METTL15: variants seen among roughly 807,000 people sequenced by gnomAD.
METTL15 encodes the protein 12S rRNA N(4)-cytidine methyltransferase METTL15.
In METTL15, 34 loss-of-function variants were observed where a neutral mutation model predicts 38.3. The ratio of observed to expected loss-of-function variants is 0.89; its 90% confidence interval spans 0.68 to 1.18. The LOEUF (loss-of-function observed/expected upper bound fraction) is 1.18, where lower values mean the gene tolerates loss of function less well. Ranked by LOEUF, METTL15 falls within the 50% of genes most tolerant of loss-of-function variation. The pLI is 0.00. For missense variants in METTL15, 438 were observed against 498.4 expected, an observed-to-expected ratio of 0.88 and a Z score of 1.15; for synonymous variants, 162 against 170.9, an observed-to-expected ratio of 0.95 and a Z score of 0.41.
rs144344435 is a variant in METTL15, at chr11:28,211,122, T to G, written c.331T>G (p.Ser111Ala). Reference protein sequence around the residue: ...GHTKAILQKESDIVLYALDRD... With the variant: ...GHTKAILQKEADIVLYALDRD... ...CACAAAAGCCATTCTGCAGAAGGAG[T>G]CAGATATTGTTCTCTATGCCTTGGA... Residue 111 changes from serine (S) to alanine (A), a missense_variant, in exon 4 of 7, where the codon TCA (serine) becomes GCA (alanine). By Grantham distance (99) the Ser-to-Ala change is moderately conservative. Coordinates refer to ENST00000407364, the MANE Select transcript of METTL15 (RefSeq NM_001113528.2). The G allele has an allele frequency of 5.0e-6, 8 of 1,612,484 alleles. No individual in the cohort carries two copies. Among genetic ancestry groups the G allele is most frequent in the Non-Finnish European group, 6.8e-6 (8 of 1,179,154 alleles).
chr11:28,284,022 C>T (rs1258959003), intron 4 of METTL15, among the ~76,000 whole-genome samples: 8 of 152,034 alleles, frequency 5.3e-5, no homozygotes, highest in Non-Finnish European at 8.8e-5. Context: ...ATTAGCCTAA[C>T]GTAATTGCAT....
chr11:28,333,800 C>T (rs1462245082), downstream of METTL15, among the ~76,000 whole-genome samples: 1 of 151,764 alleles, frequency 6.6e-6, no homozygotes, highest in Non-Finnish European at 1.5e-5. Context: ...TGTTGTGCTA[C>T]AAGCAGTAGT....
intron 3 of METTL15, among the ~76,000 whole-genome samples, chr11:28,205,356 GT>G (rs983374082): frequency 6.6e-6 from 1 of 150,418 alleles, no homozygotes; most frequent in Non-Finnish European, 1.5e-5. Context: ...ACTATGCAGT[GT>G]TTGTTTTTTT....
intron 4 of METTL15, among the ~76,000 whole-genome samples, chr11:28,223,376 A>G (rs1853332194): frequency 6.6e-6 from 1 of 152,076 alleles, no homozygotes; most frequent in South Asian, 2.1e-4. Context: ...TATGCATGAG[A>G]AAGAAAAACA....
At chr11:28,108,726 C>T (rs1390604161) in intron 1 of METTL15, among the ~76,000 whole-genome samples, 1 of 152,094 alleles carries the variant, frequency 6.6e-6, no homozygotes, top group Non-Finnish European at 1.5e-5. Context: ...TAGTACTGAC[C>T]GTGAAACTAT....
intron 4 of METTL15, among the ~76,000 whole-genome samples, chr11:28,266,682 C>T (rs933587871): frequency 4.6e-5 from 7 of 152,196 alleles, no homozygotes; most frequent in Non-Finnish European, 2.9e-5. Context: ...TGCACCACCT[C>T]TACTGGTACC....
At chr11:28,528,234 T>C (rs574045825), downstream of METTL15, among the ~76,000 whole-genome samples, 45 of 152,330 alleles carry the variant, frequency 3.0e-4, no homozygotes, top group Admixed American at 9.8e-4. Context: ...CTTGTAATAA[T>C]GTACTTTATT....
At chr11:28,474,009 G>A (rs1851324369) in intron 6 of METTL15, among the ~76,000 whole-genome samples, 2 of 151,930 alleles carry the variant, frequency 1.3e-5, no homozygotes, top group South Asian at 2.1e-4. Context: ...AGACTCTAGA[G>A]TATGTCAGTT....
chr11:28,481,952 T>C (rs1851398675), intron 6 of METTL15, among the ~76,000 whole-genome samples: 1 of 152,180 alleles, frequency 6.6e-6, no homozygotes, highest in South Asian at 2.1e-4. Context: ...AATTCTGAAA[T>C]ACATTTTCTC....
intron 4 of METTL15, among the ~76,000 whole-genome samples, chr11:28,353,686 G>T (rs1850061532): frequency 6.6e-6 from 1 of 152,076 alleles, no homozygotes; most frequent in Non-Finnish European, 1.5e-5. Context: ...AGCACTTTGG[G>T]AGGCCGAGGC....
At chr11:28,528,194 T>G (rs1434265086), downstream of METTL15, among the ~76,000 whole-genome samples, 1 of 152,220 alleles carries the variant, frequency 6.6e-6, no homozygotes, top group Non-Finnish European at 1.5e-5. Flanking sequence ...AGTTAATTCT[T>G]TTCAGCTTAA....
At chr11:28,394,221 A>G (rs1049222971) in intron 5 of METTL15, among the ~76,000 whole-genome samples, 1 of 152,090 alleles carries the variant, frequency 6.6e-6, no homozygotes, top group Non-Finnish European at 1.5e-5. Flanking sequence ...TTTCATTATC[A>G]CAGGCTCTAT....
At chr11:28,411,323 G>T (rs939346425) in intron 5 of METTL15, among the ~76,000 whole-genome samples, 2 of 151,882 alleles carry the variant, frequency 1.3e-5, no homozygotes, top group African/African-American at 4.8e-5. Context: ...ATCACATCTT[G>T]ATTTAAAATC....
intron 5 of METTL15, among the ~76,000 whole-genome samples, chr11:28,374,289 A>G (rs1850280797): frequency 6.6e-6 from 1 of 152,036 alleles, no homozygotes. Flanking sequence ...GATTCTTCCT[A>G]CCCATGAGCA....
intron 3 of METTL15, among the ~76,000 whole-genome samples, chr11:28,172,756 G>C (rs1303486240): frequency 1.3e-5 from 2 of 152,168 alleles, no homozygotes; most frequent in Non-Finnish European, 1.5e-5. Context: ...TTTGTATTCT[G>C]ATTTTCTAAT....
At chr11:28,385,828 G>A (rs1314308545) in intron 5 of METTL15, among the ~76,000 whole-genome samples, 1 of 151,946 alleles carries the variant, frequency 6.6e-6, no homozygotes, top group Non-Finnish European at 1.5e-5. Flanking sequence ...AGGGGATAGG[G>A]AATGAGGCCA....
intron 3 of METTL15, among the ~76,000 whole-genome samples, chr11:28,342,857 T>G (rs1849964953): frequency 6.6e-6 from 1 of 152,244 alleles, no homozygotes; most frequent in African/African-American, 2.4e-5. Context: ...CAGTATGTTC[T>G]GTCACATATC....
chr11:28,194,686 A>G (rs1343737969), intron 3 of METTL15, among the ~76,000 whole-genome samples: 1 of 152,154 alleles, frequency 6.6e-6, no homozygotes, highest in Non-Finnish European at 1.5e-5. Flanking sequence ...ACTGTCAGAA[A>G]GAAAGATTAA....
At chr11:28,397,698 A>C (rs1477750590) in intron 5 of METTL15, among the ~76,000 whole-genome samples, 1 of 152,140 alleles carries the variant, frequency 6.6e-6, no homozygotes, top group African/African-American at 2.4e-5. Flanking sequence ...TCAGGGATCT[A>C]GAACTAGAAA....
Sources: gnomAD v4.1 joint callset for allele counts (sites outside exome capture counted in the v4.1 genomes callset) on GRCh38, gnomAD v4.1.1 for gene constraint, MANE v1.5 for transcripts, NCBI Gene and HGNC (gene_info 2026-07-23, HGNC 2026-07-21) for gene names.